The following MED13L variants were observed in gnomAD, a reference collection of about 807,000 sequenced individuals.
MED13L encodes the protein mediator of RNA polymerase II transcription subunit 13-like.
In MED13L, 7 loss-of-function variants were observed where a neutral mutation model predicts 220.9. The observed-to-expected ratio is 0.03, with a 90% CI of 0.02 to 0.06. The LOEUF (loss-of-function observed/expected upper bound fraction) is 0.06. MED13L is among the 10% of genes least tolerant of loss of function. The probability of loss-of-function intolerance (pLI) is 1.00; values close to 1 mark genes in which losing one functional copy is unlikely to be tolerated. For synonymous variants in MED13L, 1,011 were observed against 1,015.2 expected, an observed-to-expected ratio of 1.00 and a Z score of 0.08; for missense variants, 1,965 against 2,760.5, an observed-to-expected ratio of 0.71 and a Z score of 6.46.
At chr12:116,090,007 T>C (rs924068789) in intron 4 of MED13L, among the ~76,000 whole-genome samples, 8 of 152,338 alleles carry the variant, frequency 5.3e-5, no homozygotes, top group Middle Eastern at 3.4e-3. Flanking sequence ...ATCTAGTTGA[T>C]ATACTGCAAT....
chr12:116,064,503 T>TA (rs141476667), intron 4 of MED13L, among the ~76,000 whole-genome samples: 3 of 152,178 alleles, frequency 2.0e-5, no homozygotes, highest in Non-Finnish European at 4.4e-5. Flanking sequence ...TCTCTGTTCC[T>TA]AAAAAATTTG....
rs189188758 is a variant in MED13L, at chr12:116,006,074, G to T, written c.2345-81C>A. 1.2e-5 allele frequency: 18 copies of T among 1,564,058 alleles called. No homozygotes were observed. In the Admixed American group the frequency reaches 1.5e-4, roughly 13 times the overall value. ...GTAGGGAGAGGACACGGATCTCAATGAACATGACCTGCCTGTGAGTTTTTC... is the reference window on the plus strand; with the variant it reads ...GTAGGGAGAGGACACGGATCTCAATTAACATGACCTGCCTGTGAGTTTTTC... On this transcript the variant is annotated intron_variant, in intron 12 of 30. Coordinates refer to ENST00000281928, the MANE Select transcript of MED13L (RefSeq NM_015335.5).
At chr12:116,235,780 G>C (rs1463071018) in intron 2 of MED13L, among the ~76,000 whole-genome samples, 2 of 152,086 alleles carry the variant, frequency 1.3e-5, no homozygotes, top group Admixed American at 6.6e-5. Flanking sequence ...CGTTGGCATA[G>C]ATAAATAAAT....
intron 2 of MED13L, among the ~76,000 whole-genome samples, chr12:116,185,348 TC>T (rs1880812054): frequency 6.8e-6 from 1 of 145,988 alleles, no homozygotes; most frequent in Non-Finnish European, 1.5e-5. Context: ...ACAAGTTCAT[TC>T]TTTTTTTTTT....
At chr12:116,041,949 G>A (rs923947739) in intron 4 of MED13L, among the ~76,000 whole-genome samples, 16 of 152,272 alleles carry the variant, frequency 1.1e-4, no homozygotes, top group African/African-American at 3.8e-4. Context: ...TAGCCAAGAG[G>A]AGACAACTCA....
intron 4 of MED13L, among the ~76,000 whole-genome samples, chr12:116,039,344 A>C (rs1020443214): frequency 2.6e-5 from 4 of 152,226 alleles, no homozygotes; most frequent in African/African-American, 7.2e-5. Context: ...TACTCAAAGA[A>C]GGCCCCAGTT....
At position 116,096,697 on chromosome 12, in the gene MED13L, C is replaced by T. The variant is rs773315749; in HGVS notation, c.451G>A (p.Glu151Lys). ...TTGTTGACTGGCTTTTCATCCTTTT[C>T]GTAGGGTCGGACAAACCATTTCCCA... is the stretch of plus-strand genomic sequence containing the variant. Reference protein sequence around the residue: ...RIGKWFVRPYEKDEKPVNKSE... With the variant: ...RIGKWFVRPYKKDEKPVNKSE... Residue 151 changes from glutamate to lysine, a missense_variant, in exon 4 of 31, where the codon GAA becomes AAA. Transcript: ENST00000281928. 1.9e-5 allele frequency: 31 copies of T among 1,613,836 alleles called. No individual in the cohort carries two copies. In the Admixed American group the frequency reaches 2.2e-4, roughly 11 times the overall value.
At chr12:115,974,268 T>G (rs1487578316) in intron 25 of MED13L, among the ~76,000 whole-genome samples, 1 of 152,190 alleles carries the variant, frequency 6.6e-6, no homozygotes. Context: ...ACAAAGAAAC[T>G]TTGCTGACTC....
At chr12:116,012,240 T>C (rs1244091008) in intron 9 of MED13L, among the ~76,000 whole-genome samples, 4 of 152,144 alleles carry the variant, frequency 2.6e-5, no homozygotes, top group Non-Finnish European at 4.4e-5. Context: ...GGTAAGTCAA[T>C]GGAATATCCA....
At chr12:116,255,043 G>A (rs1871914591) in intron 1 of MED13L, among the ~76,000 whole-genome samples, 1 of 152,086 alleles carries the variant, frequency 6.6e-6, no homozygotes, top group Non-Finnish European at 1.5e-5. Flanking sequence ...TTGACACGCT[G>A]ATCCTAAAAC....
At chr12:116,040,649 G>A (rs1000942860) in intron 4 of MED13L, among the ~76,000 whole-genome samples, 6 of 152,000 alleles carry the variant, frequency 3.9e-5, no homozygotes, top group African/African-American at 1.2e-4. Context: ...TTTTAAACTC[G>A]TATCAGAACT....
chr12:116,128,749 T>C (rs1160697371), intron 2 of MED13L, among the ~76,000 whole-genome samples: 2 of 152,178 alleles, frequency 1.3e-5, no homozygotes, highest in African/African-American at 4.8e-5. Flanking sequence ...CAAAATAAAG[T>C]TACACAGTTA....
intron 2 of MED13L, among the ~76,000 whole-genome samples, chr12:116,206,176 G>C (rs1285134382): frequency 6.7e-6 from 1 of 150,298 alleles, no homozygotes; most frequent in Non-Finnish European, 1.5e-5. Context: ...CTCCTCCTGG[G>C]TTCAAGCAGT....
At chr12:116,030,908 C>T (rs1880698936) in intron 4 of MED13L, among the ~76,000 whole-genome samples, 1 of 152,132 alleles carries the variant, frequency 6.6e-6, no homozygotes, top group African/African-American at 2.4e-5. Context: ...ATTTTCAAGG[C>T]TCAACCCATT....
chr12:116,135,550 AAC>A (rs1876465645), intron 2 of MED13L, among the ~76,000 whole-genome samples: 1 of 152,208 alleles, frequency 6.6e-6, no homozygotes, highest in Non-Finnish European at 1.5e-5. Context: ...AGAACCTGTG[AAC>A]ATAATGAAAT....
At chr12:116,012,752 C>T (rs201593335) in intron 9 of MED13L, 45 bp downstream of exon 9, 99 of 1,309,104 alleles carry the variant, frequency 7.6e-5, no homozygotes, top group South Asian at 1.2e-4. Context: ...CAACAAGATG[C>T]GCCATCATTC....
At chr12:116,030,118 C>T (rs1880644755) in intron 4 of MED13L, among the ~76,000 whole-genome samples, 1 of 152,102 alleles carries the variant, frequency 6.6e-6, no homozygotes, top group Non-Finnish European at 1.5e-5. Context: ...CAGATGTGCG[C>T]CGCTACGCCC....
intron 2 of MED13L, among the ~76,000 whole-genome samples, chr12:116,146,917 CCTCAA>C: frequency 6.6e-6 from 1 of 151,886 alleles, no homozygotes; most frequent in South Asian, 2.1e-4. Flanking sequence ...CTCTAAATAG[CCTCAA>C]CTCATCATGA....
intron 2 of MED13L, among the ~76,000 whole-genome samples, chr12:116,210,714 C>G (rs1167474381): frequency 6.6e-6 from 1 of 151,486 alleles, no homozygotes; most frequent in South Asian, 2.1e-4. Context: ...ATTCCAAAAT[C>G]CAAAACTGGT....
Sources: gnomAD v4.1 joint callset for allele counts (sites outside exome capture counted in the v4.1 genomes callset) on GRCh38, gnomAD v4.1.1 for gene constraint, MANE v1.5 for transcripts, NCBI Gene and HGNC (gene_info 2026-07-23, HGNC 2026-07-21) for gene names.